Variants in PTPRG observed in about 807,000 individuals in gnomAD.
The protein encoded by PTPRG is protein tyrosine phosphatase receptor type G.
In PTPRG, 102 loss-of-function variants were observed where a neutral mutation model predicts 165.3. The observed-to-expected ratio is 0.62, with a 90% CI of 0.53 to 0.73. The LOEUF (loss-of-function observed/expected upper bound fraction) is 0.73, where lower values mean the gene tolerates loss of function less well. Ranked by LOEUF, PTPRG falls within the 30% of genes least tolerant of loss-of-function variation. The pLI is 0.00. For missense variants in PTPRG, 1,866 were observed against 1,861.4 expected (o/e 1.00, Z -0.05); for synonymous variants, 675 against 669.5 (o/e 1.01, Z -0.13).
At chr3:61,730,310 G>T (rs1443600737) in intron 1 of PTPRG, among the ~76,000 whole-genome samples, 1 of 152,186 alleles carries the variant, frequency 6.6e-6, no homozygotes, top group African/African-American at 2.4e-5. Flanking sequence ...CACATCTGTT[G>T]TGAGTCCTGT....
chr3:61,736,151 G>A (rs1009704844), intron 1 of PTPRG, among the ~76,000 whole-genome samples: 1 of 151,484 alleles, frequency 6.6e-6, no homozygotes, highest in Non-Finnish European at 1.5e-5. Context: ...CAGGCAATCC[G>A]CCTGCCTCAG....
intron 13 of PTPRG, among the ~76,000 whole-genome samples, chr3:62,221,536 A>G (rs1184378375): frequency 6.6e-6 from 1 of 152,234 alleles, no homozygotes; most frequent in African/African-American, 2.4e-5. Context: ...AAAATTGGTA[A>G]ATACAGAGGA....
rs781007376 is a variant in PTPRG at position 62,195,157 on chromosome 3, G to A, written c.1314G>A (p.Thr438=). The A allele has an allele frequency of 1.4e-5, 22 of 1,614,042 alleles. No individual in the cohort carries two copies. The highest frequency in any genetic ancestry group is 9.3e-5 in the African/African-American group (7 of 74,936). Residue 438 remains threonine, a synonymous_variant, in exon 10 of 30, where the codon ACG becomes ACA. Coordinates refer to ENST00000474889, the MANE Select transcript of PTPRG (RefSeq NM_002841.4). The surrounding 1 kb of genome is among the most constrained non-coding windows in gnomAD (Gnocchi z 4.4). ...ACATGCGCAGCGACTTTAGCCAGACGATGCTGTTTCAAGGTGAGGCTGGCT... is the reference window on the plus strand; with the variant it reads ...ACATGCGCAGCGACTTTAGCCAGACAATGCTGTTTCAAGGTGAGGCTGGCT... The part of the protein sequence containing the change: ...RNDMRSDFSQ[T]MLFQANTTRI...
At chr3:62,186,566 C>CGGTTTTTTTTTT (rs1559620068) in intron 8 of PTPRG, among the ~76,000 whole-genome samples, 3 of 99,608 alleles carry the variant, frequency 3.0e-5, no homozygotes, top group African/African-American at 1.4e-4. Flanking sequence ...TTTTTCTTTT[C>CGGTTTTTTTTTT]CTTTTTTTTT....
chr3:61,918,334 A>G (rs1436624485), intron 2 of PTPRG, among the ~76,000 whole-genome samples: 1 of 152,210 alleles, frequency 6.6e-6, no homozygotes, highest in Non-Finnish European at 1.5e-5. Context: ...TAAATGAGAA[A>G]GGAAATCAGT....
intron 1 of PTPRG, among the ~76,000 whole-genome samples, chr3:61,698,766 A>G (rs2030760062): frequency 6.6e-6 from 1 of 152,204 alleles, no homozygotes. Context: ...CAACCATAGC[A>G]TGTTAACATA....
chr3:61,734,938 T>G (rs2032660736), intron 1 of PTPRG, among the ~76,000 whole-genome samples: 1 of 152,178 alleles, frequency 6.6e-6, no homozygotes, highest in South Asian at 2.1e-4. Context: ...TGCTTTTCCG[T>G]CTGACTCTTC....
At chr3:61,754,854 AAGGCACTGT>A (rs1486207121) in intron 2 of PTPRG, among the ~76,000 whole-genome samples, 1 of 152,196 alleles carries the variant, frequency 6.6e-6, no homozygotes, top group Non-Finnish European at 1.5e-5. Flanking sequence ...AGAAGAATGG[AAGGCACTGT>A]AGGACCTCAA....
intron 6 of PTPRG, among the ~76,000 whole-genome samples, chr3:62,151,217 G>C (rs753669524): frequency 2.5e-4 from 38 of 152,154 alleles, no homozygotes; most frequent in Non-Finnish European, 1.9e-4. Flanking sequence ...ACTGGGCCGC[G>C]CTGGGCTTAA....
chr3:62,020,277 G>A (rs2041658981), intron 4 of PTPRG, among the ~76,000 whole-genome samples: 1 of 151,944 alleles, frequency 6.6e-6, no homozygotes, highest in Non-Finnish European at 1.5e-5. Context: ...GTACCTTGCT[G>A]CATTCTACAG....
chr3:62,282,873 T>C lies in PTPRG; in HGVS notation c.4055+4T>C, dbSNP rs776839408. ...GTCCCACCATTGTTCATGATGAGTA[T>C]GTATCTGTTTCTTAATTTTAAAATG... is the stretch of plus-strand genomic sequence containing the variant. On this transcript the variant is annotated splice_donor_region_variant and intron_variant, in intron 28 of 29. Transcript: ENST00000474889. 6.3e-6 allele frequency: 10 copies of C among 1,591,078 alleles called. No individual in the cohort carries two copies. In the African/African-American group the frequency reaches 6.8e-5, roughly 11 times the overall value.
intron 1 of PTPRG, among the ~76,000 whole-genome samples, chr3:61,685,158 T>A (rs1575588825): frequency 6.6e-6 from 1 of 152,222 alleles, no homozygotes; most frequent in Non-Finnish European, 1.5e-5. Flanking sequence ...ATTTAAAAAA[T>A]TGGGCAATGT....
chr3:62,066,724 A>T (rs1362872047), intron 4 of PTPRG, among the ~76,000 whole-genome samples: 3 of 152,154 alleles, frequency 2.0e-5, no homozygotes. Context: ...AGTTGAAATT[A>T]CTGGTTTATG....
rs184137264 is a variant in PTPRG, at chr3:61,904,537, A to G, written c.191-85088A>G. 2.6e-5 allele frequency among the ~76,000 whole-genome samples: 4 copies of G among 152,200 alleles called. No homozygotes were observed. In the East Asian group the frequency reaches 5.8e-4, roughly 22 times the overall value. On this transcript the variant is annotated intron_variant, in intron 2 of 29. Coordinates refer to ENST00000474889, the MANE Select transcript of PTPRG (RefSeq NM_002841.4). ...TTTGTAGCATGCCTATAGACTGCCA[A>G]TTTACAGGATTTAAAACCTTCCTGG...
At position 61,649,009 on chromosome 3, in the gene PTPRG, T is replaced by C. The variant is rs574151221; in HGVS notation, c.85+86637T>C. Among the ~76,000 whole-genome samples the C allele has an allele frequency of 2.3e-3, 352 of 152,342 alleles. 3 individuals are homozygous for C. Among genetic ancestry groups the C allele is most frequent in the African/African-American group, 8.0e-3 (331 of 41,586 alleles). On this transcript the variant is annotated intron_variant, in intron 1 of 29. Transcript: ENST00000474889. ...AGCAGTGTCAAAGAACAGTCATATG[T>C]GAGTTTATTACCAAGGTTAAAAAAC...
intron 1 of PTPRG, among the ~76,000 whole-genome samples, chr3:61,568,069 C>G (rs2106764380): frequency 6.6e-6 from 1 of 152,080 alleles, no homozygotes; most frequent in Non-Finnish European, 1.5e-5. Flanking sequence ...ATTCTGTGCA[C>G]TTAAAAAATC....
At chr3:61,651,839 G>T (rs9874737) in intron 1 of PTPRG, among the ~76,000 whole-genome samples, 4 of 151,810 alleles carry the variant, frequency 2.6e-5, no homozygotes, top group Non-Finnish European at 5.9e-5. Flanking sequence ...GCGAAACCCC[G>T]TCTCTACTAA....
At chr3:61,909,162 T>C (rs1171006356) in intron 2 of PTPRG, among the ~76,000 whole-genome samples, 1 of 152,180 alleles carries the variant, frequency 6.6e-6, no homozygotes, top group Non-Finnish European at 1.5e-5. Flanking sequence ...TCAGTGGTGG[T>C]TCTTCAGCAG....
intron 2 of PTPRG, among the ~76,000 whole-genome samples, chr3:61,896,824 T>C (rs905157758): frequency 1.3e-5 from 2 of 152,214 alleles, no homozygotes; most frequent in African/African-American, 4.8e-5. Flanking sequence ...GGTAATGATG[T>C]TGAACAACTT....
Sources: gnomAD v4.1 joint callset for allele counts (sites outside exome capture counted in the v4.1 genomes callset) on GRCh38, gnomAD v4.1.1 for gene constraint, Gnocchi (gnomAD v3.1) non-coding constraint, MANE v1.5 for transcripts, NCBI Gene and HGNC (gene_info 2026-07-23, HGNC 2026-07-21) for gene names.